DYNLL1: variants seen among roughly 807,000 people sequenced by gnomAD.
DYNLL1 encodes dynein light chain 1, cytoplasmic.
In DYNLL1, 3 loss-of-function variants were observed where a neutral mutation model predicts 10.1. The observed-to-expected ratio is 0.30, with a 90% CI of 0.14 to 0.77. The LOEUF (loss-of-function observed/expected upper bound fraction) is 0.77. DYNLL1 is among the 30% of genes least tolerant of loss of function. The probability of loss-of-function intolerance (pLI) is 0.66; values close to 1 mark genes in which losing one functional copy is unlikely to be tolerated. For synonymous variants in DYNLL1, 46 were observed against 41.2 expected, an observed-to-expected ratio of 1.12 and a Z score of -0.45; for missense variants, 47 against 111.7, an observed-to-expected ratio of 0.42 and a Z score of 2.61.
intron 1 of DYNLL1, among the ~76,000 whole-genome samples, chr12:120,472,614 C>T (rs2137055770): frequency 1.3e-5 from 2 of 152,228 alleles, no homozygotes; most frequent in Middle Eastern, 6.8e-3. Flanking sequence ...CTGTTGGAGA[C>T]AATTGGGCAG....
At chr12:120,491,303 C>G (rs1372075839), upstream of DYNLL1, 1 of 152,686 alleles carries the variant, frequency 6.5e-6, no homozygotes, top group African/African-American at 2.4e-5. Context: ...TCTCCCTGCA[C>G]TGCAGTACAG....
In DYNLL1 at chr12:120,496,616, G is replaced by C. The variant is rs777915179; in HGVS notation, c.132+63G>C. On this transcript the variant is annotated intron_variant, in intron 2 of 2. Coordinates refer to ENST00000242577, the MANE Select transcript of DYNLL1 (RefSeq NM_003746.3). ...CAGGGGGTTCCTTCCCCCCGATCCT[G>C]CTTTCCTAAGGGCGCCTGACAGGTC... is the stretch of plus-strand genomic sequence containing the variant. 5.0e-6 allele frequency: 8 copies of C among 1,613,422 alleles called. No homozygotes were observed. The Admixed American group carries it at 1.3e-4, about 27-fold the overall frequency.
Position 120,496,431 on chromosome 12 carries a change from C to A in DYNLL1, c.10C>A (p.Arg4=). MCD[R]KAVIKNADMS... ...TGCCCACTAGGTAACCATGTGCGACCGAAAGGCCGTGATCAAAAATGCGGA... is the reference window on the plus strand; with the variant it reads ...TGCCCACTAGGTAACCATGTGCGACAGAAAGGCCGTGATCAAAAATGCGGA... The change falls in exon 2 of 3, where the codon CGA becomes AGA. Residue 4 remains arginine, a synonymous_variant. Transcript: ENST00000242577. The A allele has an allele frequency of 6.2e-7, 1 of 1,614,086 alleles. No homozygotes were observed. The highest frequency in any genetic ancestry group is 8.5e-7 in the Non-Finnish European group (1 of 1,180,004).
At chr12:120,489,142 C>T (rs2137065694) in intron 1 of DYNLL1, among the ~76,000 whole-genome samples, 1 of 152,080 alleles carries the variant, frequency 6.6e-6, no homozygotes, top group Admixed American at 6.5e-5. Flanking sequence ...GCATTACTTC[C>T]ATCTACACGT....
intron 1 of DYNLL1, among the ~76,000 whole-genome samples, chr12:120,487,347 C>A (rs919243111): frequency 5.1e-5 from 6 of 118,300 alleles, no homozygotes; most frequent in African/African-American, 2.0e-4. Flanking sequence ...GGCTGGAGTG[C>A]AGTGGCGCGA....
At chr12:120,469,920 C>T (rs1001872445) in exon 1 of DYNLL1, 5 of 204,540 alleles carry the variant, frequency 2.4e-5, no homozygotes, top group South Asian at 3.8e-4. Flanking sequence ...TCGGCTGAGG[C>T]GCTGGACAAG....
At chr12:120,472,083 G>A (rs61945874) in intron 1 of DYNLL1, among the ~76,000 whole-genome samples, 3 of 152,010 alleles carry the variant, frequency 2.0e-5, no homozygotes, top group Non-Finnish European at 4.4e-5. Flanking sequence ...TTTTTAATAT[G>A]ACAGAGATAT....
chr12:120,496,418 A>G lies in DYNLL1; in HGVS notation c.-4A>G. On this transcript the variant is annotated splice_region_variant and 5_prime_UTR_variant, in exon 2 of 3. Transcript: ENST00000242577. ...TTACCCCAGGCCTTGCCCACTAGGT[A>G]ACCATGTGCGACCGAAAGGCCGTGA... is the stretch of plus-strand genomic sequence containing the variant. 1 of 1,614,102 alleles carries G rather than the reference A, an allele frequency of 6.2e-7. No individual in the cohort carries two copies. Among genetic ancestry groups the G allele is most frequent in the Admixed American group, 1.7e-5 (1 of 60,028 alleles).
intron 1 of DYNLL1, among the ~76,000 whole-genome samples, chr12:120,488,923 A>G (rs1485546279): frequency 6.6e-6 from 1 of 152,140 alleles, no homozygotes; most frequent in Non-Finnish European, 1.5e-5. Context: ...CAAAAAAAGA[A>G]AAAAGAGAAA....
At chr12:120,483,048 GA>G (rs1048409367) in intron 1 of DYNLL1, among the ~76,000 whole-genome samples, 79 of 150,728 alleles carry the variant, frequency 5.2e-4, no homozygotes, top group Middle Eastern at 6.8e-3. Flanking sequence ...ATCTCTTAAA[GA>G]AAAAAAAAGG....
upstream of DYNLL1, chr12:120,491,227 G>T (rs1177468171): frequency 6.6e-6 from 1 of 152,352 alleles, no homozygotes; most frequent in Non-Finnish European, 1.5e-5. Flanking sequence ...TACTCAGGCG[G>T]TGCTTGACTA....
At position 120,496,315 on chromosome 12, in the gene DYNLL1, T is replaced by TG. The variant is rs1868395337; in HGVS notation, c.-6-95dup. The TG allele has an allele frequency of 8.0e-6, 12 of 1,499,084 alleles. No homozygotes were observed. The East Asian group carries it at 1.5e-4, about 18-fold the overall frequency. The allele number at this position is 1,499,084 out of a possible 1,614,324, so 92.9% of individuals were successfully genotyped here. ...AGCCCGCGCTTCCTGAGAAGTGGGG[T>TG]GGGGGGCGTCGTCCCGTGGTGGCGC... On this transcript the variant is annotated intron_variant, in intron 1 of 2. Transcript: ENST00000242577.
chr12:120,495,090 T>C (rs1879231842), upstream of DYNLL1, among the ~76,000 whole-genome samples: 1 of 152,228 alleles, frequency 6.6e-6, no homozygotes, highest in Non-Finnish European at 1.5e-5. Flanking sequence ...TTCAAATAGC[T>C]AGTAAATGAC....
At chr12:120,487,886 G>C (rs995762371) in intron 1 of DYNLL1, among the ~76,000 whole-genome samples, 3 of 152,166 alleles carry the variant, frequency 2.0e-5, no homozygotes, top group African/African-American at 4.8e-5. Context: ...TGGTTACAGA[G>C]AATAGGAATC....
At chr12:120,473,756 AG>A (rs1450482996) in intron 1 of DYNLL1, among the ~76,000 whole-genome samples, 3 of 151,204 alleles carry the variant, frequency 2.0e-5, no homozygotes, top group Non-Finnish European at 4.4e-5. Flanking sequence ...CTGTGGTCTC[AG>A]CTACTTGATC....
chr12:120,474,441 A>AT (rs1878713042), intron 1 of DYNLL1, among the ~76,000 whole-genome samples: 1 of 76,852 alleles, frequency 1.3e-5, no homozygotes, highest in Non-Finnish European at 2.5e-5. Flanking sequence ...AAAAAACAAC[A>AT]TAAAAAAAAA....
intron 1 of DYNLL1, among the ~76,000 whole-genome samples, chr12:120,474,340 G>C (rs1274499271): frequency 2.6e-5 from 4 of 151,716 alleles, no homozygotes; most frequent in Non-Finnish European, 5.9e-5. Flanking sequence ...CTGAAAAGAA[G>C]CCTTTGATGT....
At chr12:120,485,251 C>CTTT (rs34043402) in intron 1 of DYNLL1, among the ~76,000 whole-genome samples, 24 of 76,840 alleles carry the variant, frequency 3.1e-4, no homozygotes, top group South Asian at 5.9e-4. Context: ...TTGTAGAAGG[C>CTTT]TTTTTTTTTT....
At chr12:120,492,651 C>T (rs1879160390), upstream of DYNLL1, among the ~76,000 whole-genome samples, 1 of 152,168 alleles carries the variant, frequency 6.6e-6, no homozygotes, top group Admixed American at 6.5e-5. The surrounding 1 kb of genome is among the most constrained non-coding windows in gnomAD (Gnocchi z 4.1). Flanking sequence ...GAGCTCATAG[C>T]TTAGGTTGAT....
Sources: gnomAD v4.1 joint callset for allele counts (sites outside exome capture counted in the v4.1 genomes callset) on GRCh38, gnomAD v4.1.1 for gene constraint, Gnocchi (gnomAD v3.1) non-coding constraint, MANE v1.5 for transcripts, NCBI Gene and HGNC (gene_info 2026-07-23, HGNC 2026-07-21) for gene names.